The following TRMT13 variants were observed in gnomAD, a reference collection of about 807,000 sequenced individuals.
The protein encoded by TRMT13 is tRNA methyltransferase 13, also known as tRNA:m(4)X modification enzyme TRM13 homolog.
TRMT13 carries 45 observed loss-of-function variants against 55.9 expected under a neutral mutation model. The ratio of observed to expected loss-of-function variants is 0.80; its 90% CI spans 0.63 to 1.03. The LOEUF is 1.03. TRMT13 is among the 50% of genes least tolerant of loss of function. The probability of loss-of-function intolerance (pLI) is 0.00; values close to 1 mark genes in which losing one functional copy is unlikely to be tolerated. For missense variants in TRMT13, 513 were observed against 563.9 expected, an observed-to-expected ratio of 0.91 and a Z score of 0.91; for synonymous variants, 183 against 196.3, an observed-to-expected ratio of 0.93 and a Z score of 0.57.
At chr1:100,141,640 A>G (rs993938247) in intron 7 of TRMT13, among the ~76,000 whole-genome samples, 7 of 152,144 alleles carry the variant, frequency 4.6e-5, no homozygotes, top group Admixed American at 2.0e-4. Flanking sequence ...CCACTTTATT[A>G]CTTATATTTA....
intron 1 of TRMT13, among the ~76,000 whole-genome samples, chr1:100,136,449 ATTATT>A (rs1201716541): frequency 5.9e-5 from 9 of 152,224 alleles, no homozygotes; most frequent in Non-Finnish European, 1.3e-4. Context: ...AATAGTGTAT[ATTATT>A]TTTATTGCCA....
Position 100,149,443 on chromosome 1 carries a change from CAAAG to C in TRMT13, c.*627_*630del, listed in dbSNP as rs1332395054. 24 of 1,533,936 alleles carry C rather than the reference CAAAG, an allele frequency of 1.6e-5. No homozygotes were observed. Among genetic ancestry groups the C allele is most frequent in the Non-Finnish European group, 2.0e-5 (23 of 1,141,050 alleles). Reference sequence around the variant, plus strand: ...AAACACAAAACTGAAGAGCTGTTTTCAAAGAAAAAAGATTATTTCACTTAATTAT... The same window carrying C: ...AAACACAAAACTGAAGAGCTGTTTTCAAAAAAGATTATTTCACTTAATTAT... On this transcript the variant is annotated 3_prime_UTR_variant, in exon 11 of 11. Transcript: ENST00000370141.
intron 7 of TRMT13, 131 bp downstream of exon 7, chr1:100,141,150 AT>A: frequency 1.2e-6 from 1 of 803,218 alleles, no homozygotes; most frequent in Non-Finnish European, 1.9e-6. Flanking sequence ...GTAGCTTTTT[AT>A]TAGTTCTAAT....
chr1:100,135,789 C>G (rs975014104), intron 1 of TRMT13, among the ~76,000 whole-genome samples: 2 of 152,126 alleles, frequency 1.3e-5, no homozygotes, highest in African/African-American at 4.8e-5. Flanking sequence ...ATCAATTTTC[C>G]TTTCTTTTTT....
chr1:100,147,554 G>A (rs1462762148), intron 9 of TRMT13, among the ~76,000 whole-genome samples: 1 of 152,062 alleles, frequency 6.6e-6, no homozygotes, highest in Non-Finnish European at 1.5e-5. Flanking sequence ...GGTGAATAAA[G>A]TTTTCCCATA....
chr1:100,148,527 GGTTA>G (rs1657584325), intron 10 of TRMT13, 94 bp from the exon 11 acceptor site: 8 of 1,173,396 alleles, frequency 6.8e-6, no homozygotes, highest in Middle Eastern at 2.7e-4. Flanking sequence ...GTACATTATG[GGTTA>G]GTTAACAGTC....
At chr1:100,148,531 A>T in intron 10 of TRMT13, 94 bp from the exon 11 acceptor site, 1 of 1,163,862 alleles carries the variant, frequency 8.6e-7, no homozygotes, top group Non-Finnish European at 1.2e-6. Context: ...ATTATGGGTT[A>T]GTTAACAGTC....
At chr1:100,136,950 G>A (rs560356422) in intron 2 of TRMT13, 22 bp downstream of exon 2, 2 of 1,577,922 alleles carry the variant, frequency 1.3e-6, no homozygotes, top group South Asian at 1.2e-5. Context: ...TCAGATACGG[G>A]TTTTTTTTTG....
Position 100,147,824 on chromosome 1 carries a change from TA to T in TRMT13, c.818-68del, listed in dbSNP as rs1418077101. ...TTGAGTTTTTAAAAACAGTACTGCT[TA>T]ATAAATGTAAAAAGTATTTATTTTT... On this transcript the variant is annotated intron_variant, in intron 9 of 10. Coordinates refer to ENST00000370141, the MANE Select transcript of TRMT13 (RefSeq NM_019083.3). The T allele has an allele frequency of 4.9e-6, 7 of 1,424,874 alleles. No homozygotes were observed. The African/African-American group carries it at 8.7e-5, about 18-fold the overall frequency. 88.3% of individuals were successfully genotyped at this position (1,424,874 alleles called of 1,614,324 possible).
intron 7 of TRMT13, 124 bp downstream of exon 7, chr1:100,141,143 G>A (rs1656575132): frequency 1.1e-6 from 1 of 904,748 alleles, no homozygotes; most frequent in Non-Finnish European, 1.6e-6. Context: ...GTTTGTTGTA[G>A]CTTTTTATTA....
intron 8 of TRMT13, among the ~76,000 whole-genome samples, chr1:100,143,661 A>G (rs1404934155): frequency 6.6e-6 from 1 of 152,162 alleles, no homozygotes; most frequent in Non-Finnish European, 1.5e-5. Flanking sequence ...TGGGATTCAT[A>G]TTCCATACAC....
intron 7 of TRMT13, among the ~76,000 whole-genome samples, chr1:100,141,479 G>A (rs1345474102): frequency 1.3e-5 from 2 of 151,936 alleles, no homozygotes. Context: ...ATAGTCCCAC[G>A]CCACCATGCC....
At chr1:100,140,807 A>C in intron 6 of TRMT13, 45 bp from the exon 7 acceptor site, 1 of 1,553,970 alleles carries the variant, frequency 6.4e-7, no homozygotes, top group Non-Finnish European at 8.8e-7. Flanking sequence ...ATTTGAACCA[A>C]ATGTGTTTAC....
intron 9 of TRMT13, chr1:100,144,473 A>G (rs533478245): frequency 6.1e-6 from 1 of 165,194 alleles, no homozygotes; most frequent in South Asian, 2.0e-4. Context: ...CTGATTTTTT[A>G]GAGTAGTTGC....
chr1:100,143,113 T>C, intron 7 of TRMT13, 24 bp from the exon 8 acceptor site: 1 of 1,538,560 alleles, frequency 6.5e-7, no homozygotes, highest in South Asian at 1.2e-5. Flanking sequence ...AAGTGATTAT[T>C]ACAATAATGT....
At chr1:100,135,497 A>G (rs1165260807) in intron 1 of TRMT13, among the ~76,000 whole-genome samples, 2 of 152,194 alleles carry the variant, frequency 1.3e-5, no homozygotes, top group African/African-American at 2.4e-5. Flanking sequence ...AATAGCAGAC[A>G]CTTAGTCACC....
At chr1:100,137,335 G>A (rs2784175) in intron 3 of TRMT13, among the ~76,000 whole-genome samples, 141,295 of 152,098 alleles carry the variant, frequency 0.93, 65,791 homozygotes, top group South Asian at 0.99. Context: ...AGCTGGGACT[G>A]TAGGCAAACG....
At chr1:100,147,727 T>C (rs1657455841) in intron 9 of TRMT13, among the ~76,000 whole-genome samples, 167 bp from the exon 10 acceptor site, 1 of 152,222 alleles carries the variant, frequency 6.6e-6, no homozygotes, top group Non-Finnish European at 1.5e-5. Flanking sequence ...AGAGCAAATT[T>C]GAATGAAGTT....
chr1:100,136,748 C>G, intron 1 of TRMT13, 134 bp from the exon 2 acceptor site: 2 of 831,672 alleles, frequency 2.4e-6, no homozygotes, highest in Non-Finnish European at 1.8e-6. Flanking sequence ...CCTGATTTTG[C>G]CAACTTTTCA....
Sources: gnomAD v4.1 joint callset for allele counts (sites outside exome capture counted in the v4.1 genomes callset) on GRCh38, gnomAD v4.1.1 for gene constraint, MANE v1.5 for transcripts, NCBI Gene and HGNC (gene_info 2026-07-23, HGNC 2026-07-21) for gene names.